AGBL1: variants seen among roughly 807,000 people sequenced by gnomAD.
The protein encoded by AGBL1 is AGBL carboxypeptidase 1.
AGBL1 carries 130 observed loss-of-function variants against 118.9 expected under a neutral mutation model. That is an observed-to-expected ratio of 1.09 (90% CI 0.95 to 1.26). The LOEUF (loss-of-function observed/expected upper bound fraction) is 1.26, where lower values mean the gene tolerates loss of function less well. Ranked by LOEUF, AGBL1 falls within the 50% of genes most tolerant of loss-of-function variation. The pLI is 0.00. For synonymous variants in AGBL1, 555 were observed against 478.9 expected (o/e 1.16, Z -2.08); for missense variants, 1,584 against 1,298.1 (o/e 1.22, Z -3.38).
At position 86,196,891 on chromosome 15, in the gene AGBL1, A is replaced by G. The variant is rs1419872409; in HGVS notation, c.489-28023A>G. 4.8e-3 allele frequency among the ~76,000 whole-genome samples: 714 copies of G among 148,716 alleles called. 3 individuals carry two copies. The highest frequency in any genetic ancestry group is 0.014 in the Middle Eastern group (4 of 282). On this transcript the variant is annotated intron_variant, in intron 5 of 22. Coordinates refer to ENST00000614907, the MANE Select transcript of AGBL1 (RefSeq NM_001386094.1). ...TGTGCGCGCGCGCGCACACACACAC[A>G]CACACACACACACACACACACACAC...
chr15:86,943,341 C>A (rs1938555700), intron 23 of AGBL1, among the ~76,000 whole-genome samples: 1 of 152,076 alleles, frequency 6.6e-6, no homozygotes, highest in African/African-American at 2.4e-5. Context: ...TACAACATAT[C>A]CAGATGTGGA....
At chr15:86,150,475 A>G (rs12907232) in intron 3 of AGBL1, among the ~76,000 whole-genome samples, 58,282 of 152,098 alleles carry the variant, frequency 0.38, 12,074 homozygotes, top group South Asian at 0.46. Flanking sequence ...AGAAACTACC[A>G]TCAGAGAATA....
intron 17 of AGBL1, among the ~76,000 whole-genome samples, chr15:86,355,767 G>A (rs1193722366): frequency 1.3e-5 from 2 of 152,158 alleles, no homozygotes; most frequent in Non-Finnish European, 2.9e-5. Flanking sequence ...GGGGGCATGA[G>A]GCTTTGGTTT....
intron 17 of AGBL1, among the ~76,000 whole-genome samples, chr15:86,310,534 G>C (rs1005952517): frequency 6.6e-6 from 1 of 152,046 alleles, no homozygotes; most frequent in Non-Finnish European, 1.5e-5. Context: ...TCTGCTGGGG[G>C]TGGCCCTGAA....
Position 86,988,089 on chromosome 15 carries a change from G to C in AGBL1, c.3323+1G>C. On this transcript the variant is annotated splice_donor_variant, in intron 24 of 24. Transcript: ENST00000441037. LOFTEE classifies it high-confidence loss of function. ...TGAACCTTCTTCTGCATGTCTCCCC[G>C]TGAGTATGTCAGTTTCCTGATTGTA... 2 of 1,613,008 alleles carry C rather than the reference G, an allele frequency of 1.2e-6. No individual in the cohort carries two copies. Among genetic ancestry groups the C allele is most frequent in the Non-Finnish European group, 1.7e-6 (2 of 1,179,492 alleles).
intron 18 of AGBL1, 29 bp from the exon 19 acceptor site, chr15:86,522,781 A>G (rs933159774): frequency 6.2e-7 from 1 of 1,610,456 alleles, no homozygotes; most frequent in Non-Finnish European, 8.5e-7. Context: ...CTGAATGTGT[A>G]TTTATTTGCT....
intron 17 of AGBL1, among the ~76,000 whole-genome samples, chr15:86,378,953 C>A (rs767670147): frequency 1.3e-5 from 2 of 151,094 alleles, no homozygotes; most frequent in African/African-American, 4.9e-5. Context: ...ACTCTTGTCA[C>A]CCAGGCTGGA....
intron 20 of AGBL1, among the ~76,000 whole-genome samples, chr15:86,551,989 G>C (rs558120611): frequency 1.3e-5 from 2 of 152,162 alleles, no homozygotes; most frequent in Admixed American, 1.3e-4. Context: ...AGGAAGGAAG[G>C]AAAAATAGGT....
At chr15:86,436,825 G>A (rs1246360019) in intron 18 of AGBL1, among the ~76,000 whole-genome samples, 2 of 152,154 alleles carry the variant, frequency 1.3e-5, no homozygotes, top group South Asian at 2.1e-4. Flanking sequence ...TTTAGAGAGT[G>A]CCTAAGGAAC....
chr15:86,104,474 G>A (rs191980706), intron 1 of AGBL1, among the ~76,000 whole-genome samples: 38 of 152,334 alleles, frequency 2.5e-4, no homozygotes, highest in African/African-American at 8.4e-4. Context: ...TGCTGAGGTG[G>A]CAGGGTTGCT....
intron 22 of AGBL1, among the ~76,000 whole-genome samples, chr15:86,874,905 C>T (rs1410034799): frequency 1.3e-5 from 2 of 152,022 alleles, no homozygotes; most frequent in East Asian, 3.9e-4. Flanking sequence ...AAAAATGCCA[C>T]TGTAGAAGGT....
chr15:86,983,817 G>T (rs993226062), intron 23 of AGBL1, among the ~76,000 whole-genome samples: 2 of 152,052 alleles, frequency 1.3e-5, no homozygotes, highest in African/African-American at 4.8e-5. Flanking sequence ...GGTGTCTCTG[G>T]CTTGTTTTGT....
At chr15:86,601,947 C>T (rs1342037263) in intron 21 of AGBL1, among the ~76,000 whole-genome samples, 2 of 152,086 alleles carry the variant, frequency 1.3e-5, no homozygotes, top group Non-Finnish European at 2.9e-5. Context: ...ATACTCTTTC[C>T]ACTAGATTAC....
chr15:86,555,908 A>G (rs756818134), intron 21 of AGBL1, among the ~76,000 whole-genome samples: 13 of 151,440 alleles, frequency 8.6e-5, no homozygotes, highest in Admixed American at 2.0e-4. Context: ...ATAAGATTGG[A>G]AAAAAAAAGC....
intron 1 of AGBL1, among the ~76,000 whole-genome samples, chr15:86,125,127 T>C (rs1357774363): frequency 6.6e-6 from 1 of 152,206 alleles, no homozygotes; most frequent in East Asian, 1.9e-4. Flanking sequence ...GTGCTTACTT[T>C]ACATGATTGG....
intron 5 of AGBL1, among the ~76,000 whole-genome samples, chr15:86,218,444 G>A (rs1380121913): frequency 6.6e-6 from 1 of 152,146 alleles, no homozygotes; most frequent in Admixed American, 6.5e-5. Context: ...CAGACTCTCA[G>A]GTGGCCCCCT....
intron 6 of AGBL1, among the ~76,000 whole-genome samples, chr15:86,240,949 TTAAC>T (rs1057369579): frequency 1.5e-4 from 23 of 152,192 alleles, no homozygotes; most frequent in African/African-American, 5.1e-4. Context: ...TCTTAGAAGA[TTAAC>T]TAATCTCCTA....
In AGBL1 at chr15:86,271,774, A is replaced by G. The variant is rs569750953; in HGVS notation, c.2075+68A>G. On this transcript the variant is annotated intron_variant, in intron 15 of 22. Coordinates refer to ENST00000614907, the MANE Select transcript of AGBL1 (RefSeq NM_001386094.1). ...TTTTCTCTCAATTTCCCACTTTTCC[A>G]TATTGATCTTATAAACATCAGCAAT... The G allele has an allele frequency of 5.1e-5, 72 of 1,412,376 alleles. 2 individuals carry two copies. In the South Asian group the frequency reaches 7.5e-4, roughly 15 times the overall value. 87.5% of individuals were successfully genotyped at this position (1,412,376 alleles called of 1,614,324 possible). A position where few individuals can be genotyped will look rare whatever the true frequency, so the allele number is the denominator to read the frequency against.
chr15:86,152,650 C>G (rs1040145912), intron 3 of AGBL1, among the ~76,000 whole-genome samples: 29 of 152,228 alleles, frequency 1.9e-4, no homozygotes, highest in African/African-American at 7.0e-4. Flanking sequence ...GCAACAAAAA[C>G]CAAAGGAAAC....
Sources: allele counts gnomAD v4.1 joint callset (sites outside exome capture counted in the v4.1 genomes callset), GRCh38; gene constraint gnomAD v4.1.1; transcripts MANE v1.5; gene names NCBI Gene and HGNC (gene_info 2026-07-23, HGNC 2026-07-21).